Variants in PPP4R3A observed in about 807,000 individuals in gnomAD.
PPP4R3A encodes protein phosphatase 4 regulatory subunit 3A.
PPP4R3A carries 15 observed loss-of-function variants against 91.7 expected under a neutral mutation model. The ratio of observed to expected loss-of-function variants is 0.16; its 90% CI spans 0.11 to 0.25. The LOEUF (loss-of-function observed/expected upper bound fraction) is 0.25. PPP4R3A is among the 10% of genes least tolerant of loss of function. PPP4R3A has a pLI of 1.00. For missense variants in PPP4R3A, 623 were observed against 998.4 expected (o/e 0.62, Z 5.07); for synonymous variants, 377 against 348.7 (o/e 1.08, Z -0.91).
At chr14:91,507,754 A>G (rs1891503939) in intron 1 of PPP4R3A, among the ~76,000 whole-genome samples, 1 of 147,876 alleles carries the variant, frequency 6.8e-6, no homozygotes, top group African/African-American at 2.5e-5. Context: ...TTGTATAATG[A>G]ATCAAATTAA....
chr14:91,506,698 G>A (rs748267548), intron 1 of PPP4R3A, among the ~76,000 whole-genome samples: 7 of 152,108 alleles, frequency 4.6e-5, no homozygotes, highest in Non-Finnish European at 8.8e-5. Flanking sequence ...CTACAGGCCC[G>A]TGCCACCGCA....
intron 11 of PPP4R3A, 98 bp downstream of exon 11, chr14:91,465,152 T>C: frequency 1.1e-6 from 1 of 895,898 alleles, no homozygotes; most frequent in East Asian, 3.0e-5. Context: ...TTTAAATCTC[T>C]CCAAATATTA....
chr14:91,466,388 G>C, intron 10 of PPP4R3A: 1 of 985,750 alleles, frequency 1.0e-6, no homozygotes, highest in Non-Finnish European at 1.2e-6. Context: ...TCATGAGCAG[G>C]TAGCCAGGCA....
Position 91,485,823 on chromosome 14 carries a change from ACT to A in PPP4R3A, c.199-95_199-94del. On this transcript the variant is annotated intron_variant, in intron 2 of 14. Transcript: ENST00000554943. Reference sequence around the variant, plus strand: ...AGGAAATAAAACTGTGCTCATTTTTACTTTTTGCAACACTAATACTGGCAATT... The same window carrying A: ...AGGAAATAAAACTGTGCTCATTTTTATTTTGCAACACTAATACTGGCAATT... The A allele has an allele frequency of 3.9e-6, 3 of 762,988 alleles. No individual in the cohort carries two copies. In the South Asian group the frequency reaches 6.2e-5, roughly 16 times the overall value. The allele number at this position is 762,988 out of a possible 1,614,324, so 47.3% of individuals were successfully genotyped here.
Position 91,461,458 on chromosome 14 carries a change from G to C in PPP4R3A, c.2314C>G (p.Pro772Ala), listed in dbSNP as rs918181214. ...GAGCCTGGAGATCCTGGGGATCCAGGTGATCCCGGAGAACCAGGCAGATTT... is the reference window on the plus strand; with the variant it reads ...GAGCCTGGAGATCCTGGGGATCCAGCTGATCCCGGAGAACCAGGCAGATTT... ...TTNLPGSPGS[P>A]GSPGSPGSPG... Residue 772 changes from proline to alanine, a missense_variant, in exon 14 of 15, where the codon CCT becomes GCT. By Grantham distance (27) the Pro-to-Ala change is conservative. This residue lies in a region of PPP4R3A where 201 missense variants were observed against 229.9 expected (regional missense o/e 0.87). Coordinates refer to ENST00000554943, the MANE Select transcript of PPP4R3A (RefSeq NM_001366432.2). 1 of 1,614,166 alleles carries C rather than the reference G, an allele frequency of 6.2e-7. No homozygotes were observed. Among genetic ancestry groups the C allele is most frequent in the Admixed American group, 1.7e-5 (1 of 60,018 alleles).
intron 11 of PPP4R3A, among the ~76,000 whole-genome samples, chr14:91,463,614 A>G (rs1044079373): frequency 1.3e-5 from 2 of 151,146 alleles, no homozygotes; most frequent in African/African-American, 2.4e-5. Context: ...TTAACAAAAA[A>G]TTTTTGTAGA....
chr14:91,488,202 C>G, intron 2 of PPP4R3A, among the ~76,000 whole-genome samples: 1 of 114,328 alleles, frequency 8.7e-6, no homozygotes, highest in Non-Finnish European at 1.8e-5. Flanking sequence ...GACCCCATCT[C>G]TAAAAAAAAA....
chr14:91,473,021 G>C lies in PPP4R3A; in HGVS notation c.1501+12C>G. The C allele has an allele frequency of 6.2e-7, 1 of 1,609,862 alleles. No individual in the cohort carries two copies. Among genetic ancestry groups the C allele is most frequent in the Non-Finnish European group, 8.5e-7 (1 of 1,177,958 alleles). ...GAACAGAGAACTTAACTACCAACCT[G>C]AATTATCTTACCTTTACTAGGTTTG... On this transcript the variant is annotated intron_variant, in intron 9 of 14. Transcript: ENST00000554943.
At chr14:91,506,908 T>C (rs928911678) in intron 1 of PPP4R3A, among the ~76,000 whole-genome samples, 2 of 152,226 alleles carry the variant, frequency 1.3e-5, no homozygotes, top group Non-Finnish European at 2.9e-5. Flanking sequence ...GGCACATCAG[T>C]AATTTAGTTA....
chr14:91,492,531 T>C (rs1242334492), intron 1 of PPP4R3A, among the ~76,000 whole-genome samples: 1 of 152,210 alleles, frequency 6.6e-6, no homozygotes, highest in African/African-American at 2.4e-5. Context: ...ATAACTCAAT[T>C]TGTATATGTC....
At chr14:91,490,077 T>C (rs969066802) in intron 2 of PPP4R3A, among the ~76,000 whole-genome samples, 2 of 152,252 alleles carry the variant, frequency 1.3e-5, no homozygotes, top group African/African-American at 4.8e-5. Context: ...ATGAGGGAAC[T>C]GATCTTGACT....
Position 91,458,645 on chromosome 14 carries a change from G to T in PPP4R3A, c.*114C>A. ...GAGCAGAAGTCAAGTGTAAGAGGCT[G>T]ATCTGTGTCAGTCATTCACAAGAGA... On this transcript the variant is annotated 3_prime_UTR_variant, in exon 15 of 15. Coordinates refer to ENST00000554943, the MANE Select transcript of PPP4R3A (RefSeq NM_001366432.2). 6.8e-7 allele frequency: 1 copy of T among 1,463,250 alleles called. No individual in the cohort carries two copies. Among genetic ancestry groups the T allele is most frequent in the Non-Finnish European group, 9.6e-7 (1 of 1,044,142 alleles). 90.6% of individuals were successfully genotyped at this position (1,463,250 alleles called of 1,614,324 possible).
intron 1 of PPP4R3A, among the ~76,000 whole-genome samples, chr14:91,497,343 CA>C: frequency 2.8e-4 from 2 of 7,112 alleles, no homozygotes; most frequent in Non-Finnish European, 8.6e-4. Flanking sequence ...CTTTTATTTA[CA>C]CACACACACA....
At chr14:91,495,826 G>A (rs1313658866) in intron 1 of PPP4R3A, among the ~76,000 whole-genome samples, 1 of 152,020 alleles carries the variant, frequency 6.6e-6, no homozygotes, top group Non-Finnish European at 1.5e-5. Flanking sequence ...GGCAGAGGTG[G>A]GAGGATTGCC....
Position 91,475,464 on chromosome 14 carries a change from A to G in PPP4R3A, c.1266+347T>C, listed in dbSNP as rs1889139622. 1.7e-5 allele frequency: 4 copies of G among 228,884 alleles called. No homozygotes were observed. The South Asian group carries it at 2.3e-4, about 13-fold the overall frequency. 14.2% of individuals were successfully genotyped at this position (228,884 alleles called of 1,614,324 possible). ...TGGCGATTTTGAGAATCTACCCTAA[A>G]GTCAATGTTTTCCTAGGTAACTTAC... On this transcript the variant is annotated intron_variant, in intron 7 of 14. Coordinates refer to ENST00000554943, the MANE Select transcript of PPP4R3A (RefSeq NM_001366432.2).
In PPP4R3A at chr14:91,475,958, A is replaced by T; in HGVS notation, c.1119T>A (p.Asp373Glu). 1 of 1,561,328 alleles carries T rather than the reference A, an allele frequency of 6.4e-7. No homozygotes were observed. The highest frequency in any genetic ancestry group is 8.6e-7 in the Non-Finnish European group (1 of 1,163,054). Reference protein sequence around the residue: ...LPALEVILGMDDTQVRSAATD... With the variant: ...LPALEVILGMEDTQVRSAATD... ...TAGCAGCACTTCGCACCTGTGTATC[A>T]TCCATGCCCTGCAGACAAAAAACAT... Residue 373 changes from aspartate to glutamate, a missense_variant, in exon 7 of 15, where the codon GAT (aspartate) becomes GAA (glutamate). Transcript: ENST00000554943.
chr14:91,468,748 A>T (rs1436161054), intron 10 of PPP4R3A, among the ~76,000 whole-genome samples: 6 of 140,774 alleles, frequency 4.3e-5, no homozygotes, highest in African/African-American at 1.6e-4. Flanking sequence ...TTTTTTTTTT[A>T]CCCAATTAAC....
intron 14 of PPP4R3A, among the ~76,000 whole-genome samples, chr14:91,459,370 T>C (rs1887980930): frequency 6.6e-6 from 1 of 152,136 alleles, no homozygotes; most frequent in Admixed American, 6.5e-5. Context: ...ACTCCCAAAG[T>C]GCTGGGATTA....
At chr14:91,481,465 A>G (rs910680345) in intron 4 of PPP4R3A, 111 bp downstream of exon 4, 2 of 1,135,810 alleles carry the variant, frequency 1.8e-6, no homozygotes, top group Non-Finnish European at 2.4e-6. Context: ...ATAACTCACA[A>G]TACTTAACTT....
Sources: gnomAD v4.1 joint callset for allele counts (sites outside exome capture counted in the v4.1 genomes callset) on GRCh38, gnomAD v4.1.1 for gene constraint, gnomAD v4.1.1 regional missense constraint, MANE v1.5 for transcripts, NCBI Gene and HGNC (gene_info 2026-07-23, HGNC 2026-07-21) for gene names.